Variants in MBOAT2 observed in about 807,000 individuals in gnomAD.
The protein encoded by MBOAT2 is membrane-bound glycerophospholipid O-acyltransferase 2.
Under a neutral mutation model 63.4 loss-of-function variants are expected in MBOAT2, and 28 were observed. The ratio of observed to expected loss-of-function variants is 0.44; its 90% CI spans 0.33 to 0.61. The LOEUF is 0.61. Ranked by LOEUF, MBOAT2 falls within the 20% of genes least tolerant of loss-of-function variation. MBOAT2 has a pLI of 0.03. For missense variants in MBOAT2, 470 were observed against 605.8 expected, an observed-to-expected ratio of 0.78 and a Z score of 2.35; for synonymous variants, 211 against 215.6, an observed-to-expected ratio of 0.98 and a Z score of 0.19.
At chr2:8,933,805 C>T (rs573651633) in intron 3 of MBOAT2, among the ~76,000 whole-genome samples, 6 of 152,148 alleles carry the variant, frequency 3.9e-5, no homozygotes, top group South Asian at 2.1e-4. Flanking sequence ...TTAGCAAAAA[C>T]GTGTATTAGT....
chr2:8,947,473 A>G (rs967791164), intron 2 of MBOAT2, among the ~76,000 whole-genome samples: 1 of 152,076 alleles, frequency 6.6e-6, no homozygotes, highest in African/African-American at 2.4e-5. Flanking sequence ...CTACTGGAAG[A>G]AGATGCCATA....
At chr2:8,894,597 T>C (rs1457413489) in intron 4 of MBOAT2, among the ~76,000 whole-genome samples, 1 of 152,224 alleles carries the variant, frequency 6.6e-6, no homozygotes, top group Non-Finnish European at 1.5e-5. Context: ...TGAATAATAC[T>C]TTCTAAAAAG....
chr2:8,860,467 G>C, intron 12 of MBOAT2, 146 bp downstream of exon 12: 1 of 751,596 alleles, frequency 1.3e-6, no homozygotes, highest in South Asian at 1.8e-5. Flanking sequence ...AGACTTGCTT[G>C]GTTCAGAATT....
Position 8,877,071 on chromosome 2 carries a change from T to C in MBOAT2, c.649A>G (p.Lys217Glu). 6.2e-7 allele frequency: 1 copy of C among 1,613,646 alleles called. No individual in the cohort carries two copies. The change falls in exon 7 of 13, where the codon AAA becomes GAA. Residue 217 changes from lysine to glutamate, a missense_variant. Physicochemically the swap from Lys to Glu is moderately conservative, Grantham distance 56. Transcript: ENST00000305997. ...GTTCTTTCATACTGTGTCTCTTCTT[T>C]TCCATTTTCACCAGATTGTGTGATA... ...YHITQSGENG[K>E]EETQYERTEP...
rs545816656 is a variant in MBOAT2, at chr2:8,996,588, G to A, written c.75+6952C>T. Among the ~76,000 whole-genome samples, 5 of 152,286 alleles carry A rather than the reference G, an allele frequency of 3.3e-5. No homozygotes were observed. In the East Asian group the frequency reaches 7.7e-4, roughly 24 times the overall value. On this transcript the variant is annotated intron_variant, in intron 1 of 12. Transcript: ENST00000305997. Reference sequence around the variant, plus strand: ...CCTCACTCAGGTTCGCTGTAGGCTGGCTGCGTCCTTCAACTGGAGGCCATA... The same window carrying A: ...CCTCACTCAGGTTCGCTGTAGGCTGACTGCGTCCTTCAACTGGAGGCCATA...
At position 8,986,824 on chromosome 2, in the gene MBOAT2, C is replaced by G. The variant is rs182500848; in HGVS notation, c.75+16716G>C. On this transcript the variant is annotated intron_variant, in intron 1 of 12. Transcript: ENST00000305997. ...GCTCTCTCTTTCGCCAAGAACGCAT[C>G]TAGAAAAGACCACGCGAGCACACCC... Among the ~76,000 whole-genome samples, 413 of 152,240 alleles carry G rather than the reference C, an allele frequency of 2.7e-3. 2 individuals are homozygous for G. The highest frequency in any genetic ancestry group is 9.7e-3 in the African/African-American group (401 of 41,528).
intron 1 of MBOAT2, among the ~76,000 whole-genome samples, chr2:8,960,479 A>G (rs947921424): frequency 1.3e-5 from 2 of 152,174 alleles, no homozygotes; most frequent in Non-Finnish European, 2.9e-5. Context: ...TCAAGACACC[A>G]CAGAAGAGCA....
intron 6 of MBOAT2, among the ~76,000 whole-genome samples, chr2:8,878,108 C>T (rs540560179): frequency 6.2e-4 from 95 of 152,306 alleles, no homozygotes; most frequent in South Asian, 6.0e-3. Flanking sequence ...GGGGCAGATG[C>T]TCTGCACGTA....
At chr2:8,957,669 A>C (rs1356362318) in intron 2 of MBOAT2, among the ~76,000 whole-genome samples, 1 of 152,220 alleles carries the variant, frequency 6.6e-6, no homozygotes, top group Non-Finnish European at 1.5e-5. Flanking sequence ...GATATCAAAC[A>C]ACAATCTGCA....
intron 4 of MBOAT2, among the ~76,000 whole-genome samples, chr2:8,892,627 C>A (rs1202305183): frequency 6.6e-6 from 1 of 152,120 alleles, no homozygotes; most frequent in Non-Finnish European, 1.5e-5. Flanking sequence ...GTAAAAGACA[C>A]AGTGTGTCAG....
rs146088467 is a variant in MBOAT2, at chr2:8,864,120, G to A, written c.1052+50C>T. 1.1e-4 allele frequency: 149 copies of A among 1,309,370 alleles called. No individual in the cohort carries two copies. In the African/African-American group the frequency reaches 2.1e-3, roughly 18 times the overall value. The allele number at this position is 1,309,370 out of a possible 1,614,324, so 81.1% of individuals were successfully genotyped here. On this transcript the variant is annotated intron_variant, in intron 10 of 12. Transcript: ENST00000305997. ...CCTGAACTCAATGAAGCTCAACCTC[G>A]AGAACTAGACGCCAAAGCACATCTA...
chr2:8,974,823 G>C (rs1048943544), intron 1 of MBOAT2, among the ~76,000 whole-genome samples: 1 of 152,010 alleles, frequency 6.6e-6, no homozygotes, highest in East Asian at 1.9e-4. Flanking sequence ...GAATCTGCTC[G>C]TTTCATCCCA....
intron 1 of MBOAT2, among the ~76,000 whole-genome samples, chr2:8,961,262 G>A (rs757718480): frequency 1.3e-5 from 2 of 152,170 alleles, no homozygotes; most frequent in Non-Finnish European, 2.9e-5. Flanking sequence ...CATCAGTGAG[G>A]CACTATCTTC....
At chr2:8,910,104 A>C (rs181415363) in intron 3 of MBOAT2, among the ~76,000 whole-genome samples, 178 of 152,318 alleles carry the variant, frequency 1.2e-3, no homozygotes, top group Admixed American at 2.0e-3. Context: ...GTTGGGAAGA[A>C]GTGTGACCAT....
At chr2:8,945,851 A>G (rs1558644120) in intron 2 of MBOAT2, among the ~76,000 whole-genome samples, 1 of 152,234 alleles carries the variant, frequency 6.6e-6, no homozygotes, top group Non-Finnish European at 1.5e-5. Flanking sequence ...ACAGGTTTAA[A>G]AAAAGGTTGA....
rs72771519 is a variant in MBOAT2 at position 8,907,959 on chromosome 2, C to T, written c.395+662G>A. 6.1e-3 allele frequency among the ~76,000 whole-genome samples: 926 copies of T among 152,172 alleles called. 7 individuals carry two copies. Among genetic ancestry groups the T allele is most frequent in the Middle Eastern group, 0.014 (4 of 294 alleles). On this transcript the variant is annotated intron_variant, in intron 4 of 12. Coordinates refer to ENST00000305997, the MANE Select transcript of MBOAT2 (RefSeq NM_138799.4). ...CACTGGATTTACTGCTCATTACTTACGCTGTCCAGATGACCCGAGACTAGC... is the reference window on the plus strand; with the variant it reads ...CACTGGATTTACTGCTCATTACTTATGCTGTCCAGATGACCCGAGACTAGC...
chr2:8,896,419 G>C (rs1028723195), intron 4 of MBOAT2, among the ~76,000 whole-genome samples: 1 of 100,098 alleles, frequency 1.0e-5, no homozygotes, highest in African/African-American at 4.1e-5. Context: ...GGCCTCGGTG[G>C]TTTTGGAGAG....
chr2:8,959,847 A>T (rs1034830267), intron 1 of MBOAT2, among the ~76,000 whole-genome samples: 1 of 152,196 alleles, frequency 6.6e-6, no homozygotes, highest in Non-Finnish European at 1.5e-5. Flanking sequence ...AAAGGAAAAA[A>T]TCCATTGACA....
At chr2:8,959,061 G>A (rs938807263) in intron 1 of MBOAT2, among the ~76,000 whole-genome samples, 1 of 152,166 alleles carries the variant, frequency 6.6e-6, no homozygotes, top group African/African-American at 2.4e-5. Context: ...GCTCTGGGAG[G>A]GGTCAATGTC....
Sources: gnomAD v4.1 joint callset for allele counts (sites outside exome capture counted in the v4.1 genomes callset) on GRCh38, gnomAD v4.1.1 for gene constraint, MANE v1.5 for transcripts, NCBI Gene and HGNC (gene_info 2026-07-23, HGNC 2026-07-21) for gene names.